Variants in NID1 observed in about 807,000 individuals in gnomAD.
NID1 encodes nidogen 1.
NID1 carries 76 observed loss-of-function variants against 130.6 expected under a neutral mutation model. The observed-to-expected ratio is 0.58, with a 90% CI of 0.48 to 0.70. The LOEUF is 0.70. Among genes scored for constraint, NID1 ranks in the 30% least tolerant of loss-of-function variants. The pLI is 0.00. For missense variants in NID1, 1,517 were observed against 1,664.8 expected (o/e 0.91, Z 1.54); for synonymous variants, 665 against 675.1 (o/e 0.98, Z 0.23).
intron 11 of NID1, among the ~76,000 whole-genome samples, chr1:236,012,274 T>C (rs989855307): frequency 4.6e-5 from 7 of 152,136 alleles, no homozygotes; most frequent in African/African-American, 1.7e-4. Flanking sequence ...AAAATGTTTT[T>C]GGCCAGGCAC....
At position 236,045,497 on chromosome 1, in the gene NID1, T is replaced by C; in HGVS notation, c.712A>G (p.Ile238Val). Reference protein sequence around the residue: ...FLWKSNGAYNIFANDRESVEN... With the variant: ...FLWKSNGAYNVFANDRESVEN... ...ACTGATTCCCTGTCATTAGCAAATA[T>C]GTTATAAGCTCCGTTGCTCTTCCAT... The change falls in exon 3 of 20, where the codon ATA (isoleucine) becomes GTA (valine). Residue 238 changes from isoleucine (I) to valine (V), a missense_variant. By Grantham distance (29) the Ile-to-Val change is conservative. Transcript: ENST00000264187. The C allele has an allele frequency of 1.2e-6, 2 of 1,614,144 alleles. No homozygotes were observed. The highest frequency in any genetic ancestry group is 1.3e-5 in the African/African-American group (1 of 75,044).
chr1:235,998,538 G>T (rs1250843700), intron 12 of NID1, among the ~76,000 whole-genome samples: 1 of 152,086 alleles, frequency 6.6e-6, no homozygotes, highest in African/African-American at 2.4e-5. Flanking sequence ...AGCTGGGTGT[G>T]GTGGCGGGTG....
At position 236,025,910 on chromosome 1, in the gene NID1, A is replaced by G. The variant is rs576525237; in HGVS notation, c.1970T>C (p.Ile657Thr). Residue 657 changes from isoleucine to threonine, a missense_variant, in exon 8 of 20, where the codon ATT becomes ACT. This residue lies in a region of NID1 where 1,329 missense variants were observed against 1,429.2 expected (regional missense o/e 0.93). Transcript: ENST00000264187. ...KILRYALSNS[I>T]GPVREGSPDA... ...TATCCCCTTACCCCTCACAGGCCCA[A>G]TGGAGTTGCTGAGAGCATAGCGCAA... The G allele has an allele frequency of 2.7e-5, 43 of 1,613,318 alleles. No homozygotes were observed. The highest frequency in any genetic ancestry group is 6.7e-5 in the African/African-American group (5 of 74,908).
At chr1:236,055,735 T>C (rs541456680) in intron 1 of NID1, among the ~76,000 whole-genome samples, 1 of 152,252 alleles carries the variant, frequency 6.6e-6, no homozygotes, top group East Asian at 1.9e-4. Flanking sequence ...ATGGCTCTAA[T>C]AGATAAGCCA....
intron 1 of NID1, among the ~76,000 whole-genome samples, chr1:236,051,130 G>A (rs186640740): frequency 1.5e-3 from 224 of 152,284 alleles, no homozygotes; most frequent in Non-Finnish European, 2.2e-3. Context: ...AAAAGGGAGA[G>A]ATTTTGCAAA....
rs1340903337 is a variant in NID1, at chr1:236,064,758, G to A, written c.225+97C>T. The A allele has an allele frequency of 6.7e-6, 8 of 1,198,882 alleles. 1 individual carries two copies. Among genetic ancestry groups the A allele is most frequent in the African/African-American group, 4.8e-5 (3 of 62,586 alleles). 74.3% of individuals were successfully genotyped at this position (1,198,882 alleles called of 1,614,324 possible). On this transcript the variant is annotated intron_variant, in intron 1 of 19. Coordinates refer to ENST00000264187, the MANE Select transcript of NID1 (RefSeq NM_002508.3). ...GTGCCCCGGCGGCCAGCGGGTCCGG[G>A]TCCCCGCCTGCTACGCCCAAGTCCG...
intron 16 of NID1, 144 bp downstream of exon 16, chr1:235,981,467 C>G (rs1324890593): frequency 3.7e-6 from 3 of 814,120 alleles, no homozygotes; most frequent in Non-Finnish European, 1.9e-6. Context: ...TGGATATCTA[C>G]AAGTCACCAA....
In NID1 at chr1:236,024,076, AG is replaced by A; in HGVS notation, c.2121del (p.Cys708AlafsTer96). 6.2e-7 allele frequency: 1 copy of A among 1,613,990 alleles called. No individual in the cohort carries two copies. The highest frequency in any genetic ancestry group is 8.5e-7 in the Non-Finnish European group (1 of 1,180,042). On this transcript the variant is annotated frameshift_variant, in exon 9 of 20. Transcript: ENST00000264187. LOFTEE classifies it high-confidence loss of function. ...TCAGAATCAAAGGCTGTACCATAGC[AG>A]GTTCGCCCGTCTCCTCGGAAGCCGA... ...CSIGFRGDGRTCYDIDECSEQ... is the reference protein window; with the variant it reads ...CSIGFRGDGRXCYDIDECSEQ...
rs1184480293 is a variant in NID1, at chr1:235,977,006, A to T, written c.*861T>A. The T allele has an allele frequency of 6.6e-6, 1 of 152,180 alleles. No homozygotes were observed. The highest frequency in any genetic ancestry group is 1.5e-5 in the Non-Finnish European group (1 of 68,032). The allele number at this position is 152,180 out of a possible 1,614,324, so 9.4% of individuals were successfully genotyped here. On this transcript the variant is annotated 3_prime_UTR_variant, in exon 20 of 20. Coordinates refer to ENST00000264187, the MANE Select transcript of NID1 (RefSeq NM_002508.3). The stretch of plus-strand genomic sequence containing the variant: ...AGACCAGCACAGCAACAGAGACTAG[A>T]ACCTTGGATGCAAGTATTTTGGGCA...
chr1:236,047,815 T>C (rs559168086), intron 2 of NID1, among the ~76,000 whole-genome samples: 3 of 139,478 alleles, frequency 2.2e-5, no homozygotes, highest in African/African-American at 5.4e-5. Context: ...TCATTTGAGG[T>C]CAGCAGTTGG....
rs1257990018 is a variant in NID1, at chr1:236,056,907, AAC to A, written c.226-7920_226-7919del. On this transcript the variant is annotated intron_variant, in intron 1 of 19. Transcript: ENST00000264187. ...TGAGTCCAGGAAAAAAAAAAACAAA[AAC>A]ATGAAGCGTAAGTATTGCACGGCAG... Among the ~76,000 whole-genome samples, 1,230 of 152,206 alleles carry A rather than the reference AAC, an allele frequency of 8.1e-3. 14 individuals are homozygous for A. The highest frequency in any genetic ancestry group is 0.028 in the African/African-American group (1,168 of 41,474).
At chr1:236,061,731 TA>T (rs904437209) in intron 1 of NID1, among the ~76,000 whole-genome samples, 15 of 149,030 alleles carry the variant, frequency 1.0e-4, no homozygotes, top group African/African-American at 3.7e-4. Flanking sequence ...TCTCAACAAT[TA>T]AAAAAAAAAC....
chr1:236,037,386 G>A (rs1413360301), intron 5 of NID1, among the ~76,000 whole-genome samples: 1 of 152,160 alleles, frequency 6.6e-6, no homozygotes, highest in African/African-American at 2.4e-5. Flanking sequence ...GGCTGGGCGC[G>A]CTGGCTCACA....
chr1:236,028,991 A>G (rs954948692), intron 7 of NID1, among the ~76,000 whole-genome samples: 2 of 152,152 alleles, frequency 1.3e-5, no homozygotes, highest in Non-Finnish European at 1.5e-5. Context: ...ACCCTGGCCT[A>G]CATAATGAAA....
rs1403304354 is a variant in NID1, at chr1:235,979,863, C to T, written c.3468G>A (p.Val1156=). 2.5e-6 allele frequency: 4 copies of T among 1,614,002 alleles called. No homozygotes were observed. The African/African-American group carries it at 5.3e-5, about 22-fold the overall frequency. Residue 1156 remains valine (V), a synonymous_variant, in exon 18 of 20, where the codon GTG becomes GTA. Transcript: ENST00000264187. This position sits in a 1 kb window ranked among gnomAD's most constrained non-coding sequence, Gnocchi z 4.6. ...ALEGLQYPFA[V]TSYGKNLYFT... is the part of the protein sequence containing the mutation. ...AATACAGATTCTTCCCGTAGCTCGT[C>T]ACAGCAAAAGGATACTGGAGCCCTT...
rs149787614 is a variant in NID1, at chr1:235,981,688, C to T, written c.3150G>A (p.Leu1050=). The change falls in exon 16 of 20, where the codon CTG becomes CTA. Residue 1050 remains leucine, a synonymous_variant. Coordinates refer to ENST00000264187, the MANE Select transcript of NID1 (RefSeq NM_002508.3). ...SNLDRIEVAK[L]DGTQRRVLFE... is the part of the protein sequence containing the mutation. ...AGAGCACCCGGCGCTGCGTGCCGTC[C>T]AGCTTCGCCACTTCTATTCGATCCA... is the stretch of plus-strand genomic sequence containing the variant. 74 of 1,614,140 alleles carry T rather than the reference C, an allele frequency of 4.6e-5. No individual in the cohort carries two copies. In the African/African-American group the frequency reaches 8.9e-4, roughly 19 times the overall value.
chr1:235,996,974 A>G (rs1241088053), intron 12 of NID1, among the ~76,000 whole-genome samples: 1 of 152,094 alleles, frequency 6.6e-6, no homozygotes, highest in Non-Finnish European at 1.5e-5. Flanking sequence ...AGCCGGGATT[A>G]CAGATTCTTG....
chr1:236,026,289 T>A, intron 7 of NID1, 148 bp from the exon 8 acceptor site: 1 of 913,302 alleles, frequency 1.1e-6, no homozygotes, highest in South Asian at 1.7e-5. Context: ...CAGAACAGCT[T>A]AAATAAGACC....
At chr1:235,999,814 C>T (rs1658027099) in intron 12 of NID1, among the ~76,000 whole-genome samples, 1 of 152,188 alleles carries the variant, frequency 6.6e-6, no homozygotes, top group South Asian at 2.1e-4. Flanking sequence ...CCCCTCCTCT[C>T]AGCCGAGGGC....
Sources: gnomAD v4.1 joint callset for allele counts (sites outside exome capture counted in the v4.1 genomes callset) on GRCh38, gnomAD v4.1.1 for gene constraint, gnomAD v4.1.1 regional missense constraint, Gnocchi (gnomAD v3.1) non-coding constraint, MANE v1.5 for transcripts, NCBI Gene and HGNC (gene_info 2026-07-23, HGNC 2026-07-21) for gene names.